Variants in SPACA7 observed in about 807,000 individuals in gnomAD.
The protein encoded by SPACA7 is sperm acrosome-associated protein 7.
SPACA7 carries 19 observed loss-of-function variants against 26.3 expected under a neutral mutation model. The observed-to-expected ratio is 0.72, with a 90% confidence interval of 0.50 to 1.06. The LOEUF is 1.06. SPACA7 is among the 50% of genes least tolerant of loss of function. The pLI is 0.00. For missense variants in SPACA7, 211 were observed against 229.9 expected (o/e 0.92, Z 0.53); for synonymous variants, 84 against 84.5 (o/e 0.99, Z 0.04).
At chr13:112,398,705 T>A (rs1016622772) in intron 3 of SPACA7, among the ~76,000 whole-genome samples, 3 of 151,968 alleles carry the variant, frequency 2.0e-5, no homozygotes, top group Non-Finnish European at 2.9e-5. Flanking sequence ...CAAGACAGAG[T>A]ACTGAATCAA....
At chr13:112,410,148 T>G (rs1886253116) in intron 5 of SPACA7, among the ~76,000 whole-genome samples, 2 of 151,902 alleles carry the variant, frequency 1.3e-5, no homozygotes, top group African/African-American at 2.4e-5. Context: ...TTCTCACTCA[T>G]AGGTGGGAAT....
At chr13:112,406,901 C>T (rs1886024148) in intron 5 of SPACA7, among the ~76,000 whole-genome samples, 1 of 152,196 alleles carries the variant, frequency 6.6e-6, no homozygotes, top group South Asian at 2.1e-4. Flanking sequence ...CACCCCAAAT[C>T]AACAGAATAT....
intron 5 of SPACA7, among the ~76,000 whole-genome samples, chr13:112,412,425 G>A (rs1197797722): frequency 1.3e-5 from 2 of 151,688 alleles, no homozygotes; most frequent in Non-Finnish European, 2.9e-5. Context: ...CTTATTGATT[G>A]TTTCATTAGT....
chr13:112,429,330 G>A (rs1216143958), intron 5 of SPACA7, among the ~76,000 whole-genome samples: 3 of 151,320 alleles, frequency 2.0e-5, no homozygotes, highest in African/African-American at 7.3e-5. Context: ...GAGCCAAGAT[G>A]GTGCCACTGC....
intron 1 of SPACA7, among the ~76,000 whole-genome samples, chr13:112,383,087 A>G (rs1208534602): frequency 7.9e-5 from 8 of 100,784 alleles, no homozygotes; most frequent in African/African-American, 2.8e-4. Flanking sequence ...AAAGAAAAAG[A>G]AAGAAAGAAA....
intron 5 of SPACA7, among the ~76,000 whole-genome samples, chr13:112,415,728 A>T (rs1886649104): frequency 6.6e-6 from 1 of 152,174 alleles, no homozygotes; most frequent in Non-Finnish European, 1.5e-5. Flanking sequence ...GCAGCACCAC[A>T]GGGTTCACCC....
chr13:112,410,332 T>C (rs567232777), intron 5 of SPACA7, among the ~76,000 whole-genome samples: 2 of 152,174 alleles, frequency 1.3e-5, no homozygotes, highest in African/African-American at 4.8e-5. Context: ...AACCTGCATA[T>C]TGTGCACATG....
chr13:112,425,346 A>G (rs1446450830), intron 5 of SPACA7, among the ~76,000 whole-genome samples: 2 of 152,224 alleles, frequency 1.3e-5, no homozygotes, highest in African/African-American at 4.8e-5. Flanking sequence ...CTGAAACAGA[A>G]AAGATGGACC....
intron 5 of SPACA7, among the ~76,000 whole-genome samples, chr13:112,426,894 A>G (rs1376782327): frequency 1.3e-5 from 2 of 152,038 alleles, no homozygotes; most frequent in Non-Finnish European, 2.9e-5. Flanking sequence ...GCCCTGTATC[A>G]CTAGTTAGGA....
intron 5 of SPACA7, among the ~76,000 whole-genome samples, chr13:112,430,908 G>A (rs1271084519): frequency 6.6e-6 from 1 of 152,162 alleles, no homozygotes; most frequent in Non-Finnish European, 1.5e-5. Flanking sequence ...TGAATTATCT[G>A]CCAAAATTTT....
chr13:112,378,862 G>A lies in SPACA7; in HGVS notation c.94+2383G>A, dbSNP rs771516030. ...GGTAATATGACCAATGTTTCCAATC[G>A]TGTCCTGTTGCAAGGAGAATCAATT... On this transcript the variant is annotated intron_variant, in intron 1 of 6. Coordinates refer to ENST00000283550, the MANE Select transcript of SPACA7 (RefSeq NM_145248.5). The A allele has an allele frequency of 4.7e-5, 19 of 400,288 alleles. No individual in the cohort carries two copies. In the East Asian group the frequency reaches 5.4e-4, roughly 11 times the overall value. 24.8% of individuals were successfully genotyped at this position (400,288 alleles called of 1,614,324 possible).
At position 112,401,303 on chromosome 13, in the gene SPACA7, T is replaced by C. The variant is rs1753558310; in HGVS notation, c.445+139T>C. 29 of 634,816 alleles carry C rather than the reference T, an allele frequency of 4.6e-5. No individual in the cohort carries two copies. The South Asian group carries it at 5.5e-4, about 12-fold the overall frequency. The allele number at this position is 634,816 out of a possible 1,614,324, so 39.3% of individuals were successfully genotyped here. On this transcript the variant is annotated intron_variant, in intron 5 of 6. Transcript: ENST00000283550. Reference sequence around the variant, plus strand: ...CCACCAACATCATGGTGAGAAGTGGTATTTCAGTACTGCTTTTGTTTGCAA... The same window carrying C: ...CCACCAACATCATGGTGAGAAGTGGCATTTCAGTACTGCTTTTGTTTGCAA...
chr13:112,434,064 C>T (rs1161225073), intron 6 of SPACA7, among the ~76,000 whole-genome samples: 1 of 152,098 alleles, frequency 6.6e-6, no homozygotes, highest in African/African-American at 2.4e-5. Flanking sequence ...CAACAGAAGC[C>T]CTGGAGGTGA....
intron 6 of SPACA7, among the ~76,000 whole-genome samples, chr13:112,434,151 C>T (rs1877487994): frequency 6.6e-6 from 1 of 152,146 alleles, no homozygotes; most frequent in Admixed American, 6.5e-5. Context: ...TACTGACATC[C>T]CAGGAATGAG....
At chr13:112,409,131 A>G (rs76587498) in intron 5 of SPACA7, among the ~76,000 whole-genome samples, 1 of 152,242 alleles carries the variant, frequency 6.6e-6, no homozygotes, top group Non-Finnish European at 1.5e-5. Flanking sequence ...TCCCTATTTA[A>G]TAAATGGTGC....
At position 112,404,978 on chromosome 13, in the gene SPACA7, C is replaced by CTTTTT. The variant is rs373253878; in HGVS notation, c.445+3834_445+3838dup. Among the ~76,000 whole-genome samples, 125 of 94,144 alleles carry CTTTTT rather than the reference C, an allele frequency of 1.3e-3. 1 individual carries two copies. The highest frequency in any genetic ancestry group is 2.8e-3 in the African/African-American group (64 of 22,722). 61.8% of individuals were successfully genotyped at this position (94,144 alleles called of 152,430 possible). A position where few individuals can be genotyped will look rare whatever the true frequency, so the allele number is the denominator to read the frequency against. The stretch of plus-strand genomic sequence containing the variant: ...CTAATTAGCTCCATTGTATTCTCTT[C>CTTTTT]TTTTTTTTTTTTTTTTTTTTTTTTA... On this transcript the variant is annotated intron_variant, in intron 5 of 6. Transcript: ENST00000283550.
At chr13:112,376,607 A>G in intron 1 of SPACA7, 128 bp downstream of exon 1, 3 of 1,012,568 alleles carry the variant, frequency 3.0e-6, no homozygotes, top group South Asian at 3.5e-5. Flanking sequence ...TGGGGAATGA[A>G]TGTAGCTGAA....
intron 1 of SPACA7, among the ~76,000 whole-genome samples, chr13:112,381,225 C>T (rs943065531): frequency 1.3e-5 from 2 of 152,132 alleles, no homozygotes; most frequent in African/African-American, 4.8e-5. Context: ...TGCAGTGGCT[C>T]ATACCTCTAA....
intron 4 of SPACA7, among the ~76,000 whole-genome samples, chr13:112,400,199 C>T (rs1885545474): frequency 6.6e-6 from 1 of 152,168 alleles, no homozygotes; most frequent in Non-Finnish European, 1.5e-5. Context: ...TCTGTAGGAG[C>T]CCAGGAATCT....
Sources: gnomAD v4.1 joint callset for allele counts (sites outside exome capture counted in the v4.1 genomes callset) on GRCh38, gnomAD v4.1.1 for gene constraint, MANE v1.5 for transcripts, NCBI Gene and HGNC (gene_info 2026-07-23, HGNC 2026-07-21) for gene names.